The following ADGRL3 variants were observed in gnomAD, a reference collection of about 807,000 sequenced individuals.
The protein encoded by ADGRL3 is calcium-independent alpha-latrotoxin receptor 3.
A neutral mutation model predicts 153.5 loss-of-function variants in ADGRL3; 62 were observed. That is an observed-to-expected ratio of 0.40 (90% CI 0.33 to 0.50). The LOEUF (loss-of-function observed/expected upper bound fraction) is 0.50. Ranked by LOEUF, ADGRL3 falls within the 20% of genes least tolerant of loss-of-function variation. ADGRL3 has a pLI of 0.47. For missense variants in ADGRL3, 1,641 were observed against 1,859.4 expected, an observed-to-expected ratio of 0.88 and a Z score of 2.16; for synonymous variants, 710 against 672.5, an observed-to-expected ratio of 1.06 and a Z score of -0.86.
chr4:61,208,043 G>T lies in ADGRL3; in HGVS notation c.-240+6278G>T, dbSNP rs964759270. Among the ~76,000 whole-genome samples the T allele has an allele frequency of 2.0e-5, 3 of 152,034 alleles. No individual in the cohort carries two copies. The South Asian group carries it at 6.2e-4, about 32-fold the overall frequency. On this transcript the variant is annotated intron_variant, in intron 1 of 26. Transcript: ENST00000683033. ...CCAAATAATCCAGTGTAGAAAACTT[G>T]TTTTTAGATTTTTTGTCCCCATTTA... is the stretch of plus-strand genomic sequence containing the variant.
intron 9 of ADGRL3, among the ~76,000 whole-genome samples, chr4:61,882,691 T>G (rs1307435316): frequency 2.0e-5 from 3 of 152,200 alleles, no homozygotes; most frequent in Non-Finnish European, 4.4e-5. Context: ...GCCACCTCAC[T>G]GTGTCTAGAC....
At chr4:61,246,618 T>C (rs922327935) in intron 1 of ADGRL3, among the ~76,000 whole-genome samples, 4 of 151,916 alleles carry the variant, frequency 2.6e-5, no homozygotes, top group African/African-American at 9.7e-5. Flanking sequence ...TTTCTTATTT[T>C]TGTTACATTA....
intron 6 of ADGRL3, among the ~76,000 whole-genome samples, chr4:61,711,458 T>TTA (rs1167827672): frequency 0.096 from 3,320 of 34,680 alleles, 264 homozygotes; most frequent in Non-Finnish European, 0.12. Context: ...ATATGCTTCA[T>TTA]TATATATATA....
chr4:61,939,535 T>A (rs1186144123), intron 15 of ADGRL3, among the ~76,000 whole-genome samples: 1 of 150,484 alleles, frequency 6.6e-6, no homozygotes, highest in African/African-American at 2.4e-5. Flanking sequence ...AGTGGCACAA[T>A]CTCAGCTCAC....
chr4:61,698,859 G>A (rs2095694025), intron 6 of ADGRL3, among the ~76,000 whole-genome samples: 1 of 151,994 alleles, frequency 6.6e-6, no homozygotes, highest in Admixed American at 6.6e-5. Context: ...CGCTATGGGT[G>A]GTATTATTTA....
Position 61,504,014 on chromosome 4 carries a change from A to G in ADGRL3, c.55+6666A>G, listed in dbSNP as rs370638276. Among the ~76,000 whole-genome samples, 6 of 152,168 alleles carry G rather than the reference A, an allele frequency of 3.9e-5. No homozygotes were observed. The East Asian group carries it at 7.8e-4, about 20-fold the overall frequency. On this transcript the variant is annotated intron_variant, in intron 3 of 26. Coordinates refer to ENST00000683033, the MANE Select transcript of ADGRL3 (RefSeq NM_001387552.1). Reference sequence around the variant, plus strand: ...AATTCTCCAACCCCCTTTTTGTAAGACAGGGTTTCACTCTGTCACCCAGGC... The same window carrying G: ...AATTCTCCAACCCCCTTTTTGTAAGGCAGGGTTTCACTCTGTCACCCAGGC...
Position 61,926,077 on chromosome 4 carries a change from G to A in ADGRL3, c.2113-8763G>A, listed in dbSNP as rs561366571. Among the ~76,000 whole-genome samples, 21 of 152,236 alleles carry A rather than the reference G, an allele frequency of 1.4e-4. No homozygotes were observed. In the East Asian group the frequency reaches 2.3e-3, roughly 17 times the overall value. ...CCTGTACAGCATGTTACTGTACTGAGTACTGTAGACAATTATAACACAATG... is the reference window on the plus strand; with the variant it reads ...CCTGTACAGCATGTTACTGTACTGAATACTGTAGACAATTATAACACAATG... On this transcript the variant is annotated intron_variant, in intron 13 of 26. Coordinates refer to ENST00000683033, the MANE Select transcript of ADGRL3 (RefSeq NM_001387552.1).
At chr4:61,574,429 A>G (rs2098855976) in intron 4 of ADGRL3, among the ~76,000 whole-genome samples, 1 of 151,980 alleles carries the variant, frequency 6.6e-6, no homozygotes. Flanking sequence ...AATGTTGGCA[A>G]AATGCCTTCT....
chr4:61,206,340 A>G (rs549903009), intron 1 of ADGRL3, among the ~76,000 whole-genome samples: 1 of 152,368 alleles, frequency 6.6e-6, no homozygotes, highest in Admixed American at 6.5e-5. Flanking sequence ...AAATCATCCA[A>G]CTGAATGTTT....
At position 61,560,508 on chromosome 4, in the gene ADGRL3, A is replaced by G. The variant is rs185505218; in HGVS notation, c.260-26719A>G. 1.7e-4 allele frequency among the ~76,000 whole-genome samples: 26 copies of G among 152,204 alleles called. No homozygotes were observed. The East Asian group carries it at 4.8e-3, about 28-fold the overall frequency. On this transcript the variant is annotated intron_variant, in intron 4 of 26. Coordinates refer to ENST00000683033, the MANE Select transcript of ADGRL3 (RefSeq NM_001387552.1). ...ATGATAATTGGGTTTGTCTTGTGGGAAATGGTGGGACAATCTGAGCACCTG... is the reference window on the plus strand; with the variant it reads ...ATGATAATTGGGTTTGTCTTGTGGGGAATGGTGGGACAATCTGAGCACCTG...
intron 6 of ADGRL3, among the ~76,000 whole-genome samples, chr4:61,685,352 G>C (rs954328921): frequency 1.3e-5 from 2 of 152,018 alleles, no homozygotes; most frequent in Non-Finnish European, 2.9e-5. Context: ...AGTCCCACGG[G>C]TAAGGCAAAT....
At chr4:61,997,653 C>T (rs1479948242) in intron 20 of ADGRL3, among the ~76,000 whole-genome samples, 1 of 152,014 alleles carries the variant, frequency 6.6e-6, no homozygotes, top group Non-Finnish European at 1.5e-5. Context: ...TATGACAATA[C>T]CATTGGGGGT....
chr4:62,013,820 G>A (rs1052913827), intron 21 of ADGRL3, among the ~76,000 whole-genome samples: 9 of 152,122 alleles, frequency 5.9e-5, no homozygotes, highest in East Asian at 1.9e-4. Context: ...CCCGGAAAGC[G>A]GAGGTTTCAG....
intron 17 of ADGRL3, among the ~76,000 whole-genome samples, chr4:61,961,892 A>G (rs1001175828): frequency 1.9e-4 from 29 of 152,332 alleles, no homozygotes; most frequent in South Asian, 1.9e-3. Flanking sequence ...CAGAACTTTT[A>G]TAGAAAAGTT....
intron 2 of ADGRL3, among the ~76,000 whole-genome samples, chr4:61,447,313 T>C (rs1440712403): frequency 1.3e-5 from 2 of 152,242 alleles, no homozygotes; most frequent in African/African-American, 4.8e-5. Context: ...CCAGTATTGA[T>C]TTTCAATGGA....
rs1747402929 is a variant in ADGRL3 at position 62,077,097 on chromosome 4, G to A, written c.*6189G>A. On this transcript the variant is annotated 3_prime_UTR_variant, in exon 27 of 27. Coordinates refer to ENST00000683033, the MANE Select transcript of ADGRL3 (RefSeq NM_001387552.1). ...ATTCTACATACAGTTGTACATGGTGGGTTATCAAAGTACTCCATAATCCAA... is the reference window on the plus strand; with the variant it reads ...ATTCTACATACAGTTGTACATGGTGAGTTATCAAAGTACTCCATAATCCAA... 2 of 151,708 alleles carry A rather than the reference G, an allele frequency of 1.3e-5. No homozygotes were observed. Among genetic ancestry groups the A allele is most frequent in the Admixed American group, 6.6e-5 (1 of 15,180 alleles). 9.4% of individuals were successfully genotyped at this position (151,708 alleles called of 1,614,324 possible). A position where few individuals can be genotyped will look rare whatever the true frequency, so the allele number is the denominator to read the frequency against.
intron 11 of ADGRL3, among the ~76,000 whole-genome samples, chr4:61,899,513 A>C (rs1367364852): frequency 6.6e-6 from 1 of 152,186 alleles, no homozygotes; most frequent in African/African-American, 2.4e-5. Context: ...CAGGTGAAAA[A>C]AAACCACAAT....
At chr4:61,580,272 G>A (rs2149269103) in intron 4 of ADGRL3, among the ~76,000 whole-genome samples, 1 of 152,040 alleles carries the variant, frequency 6.6e-6, no homozygotes, top group South Asian at 2.1e-4. Context: ...TTTCAAAAGA[G>A]CTCTTTTTTT....
At chr4:61,805,568 C>A (rs2097544869) in intron 8 of ADGRL3, among the ~76,000 whole-genome samples, 1 of 152,096 alleles carries the variant, frequency 6.6e-6, no homozygotes, top group Non-Finnish European at 1.5e-5. Flanking sequence ...AGCACCATAA[C>A]CCTTTATCCT....
Sources: allele counts gnomAD v4.1 joint callset (sites outside exome capture counted in the v4.1 genomes callset), GRCh38; gene constraint gnomAD v4.1.1; transcripts MANE v1.5; gene names NCBI Gene and HGNC (gene_info 2026-07-23, HGNC 2026-07-21).